ARSB: variants seen among roughly 807,000 people sequenced by gnomAD.
The protein encoded by ARSB is N-acetylgalactosamine-4-sulfatase.
ARSB carries 41 observed loss-of-function variants against 50.9 expected under a neutral mutation model. The observed-to-expected ratio is 0.81, with a 90% CI of 0.63 to 1.04. The LOEUF (loss-of-function observed/expected upper bound fraction) is 1.04. Ranked by LOEUF, ARSB falls within the 50% of genes least tolerant of loss-of-function variation. The pLI, the probability that ARSB is intolerant of heterozygous loss-of-function variation, is 0.00. For missense variants in ARSB, 672 were observed against 693.3 expected (o/e 0.97, Z 0.35); for synonymous variants, 269 against 284.8 (o/e 0.94, Z 0.56).
At chr5:78,846,278 T>C (rs1291907164) in intron 5 of ARSB, among the ~76,000 whole-genome samples, 1 of 152,208 alleles carries the variant, frequency 6.6e-6, no homozygotes, top group Non-Finnish European at 1.5e-5. Flanking sequence ...CTGTATTGGT[T>C]ACTATACCTT....
intron 5 of ARSB, among the ~76,000 whole-genome samples, chr5:78,855,195 G>T (rs1746074777): frequency 6.6e-6 from 1 of 152,196 alleles, no homozygotes; most frequent in Non-Finnish European, 1.5e-5. Flanking sequence ...CAGCTATTCA[G>T]CTCAGCCAGG....
rs1185355030 is a variant in ARSB, at chr5:78,834,607, G to GTGTGTATATATATA, written c.1213+4748_1213+4749insTATATATATACACA. On this transcript the variant is annotated intron_variant, in intron 6 of 7. Transcript: ENST00000264914. Reference sequence around the variant, plus strand: ...ATACTATTTCATGGTATATATATGTGTATATATATATATATATATATATAT... The same window carrying GTGTGTATATATATA: ...ATACTATTTCATGGTATATATATGTGTGTGTATATATATATATATATATATATATATATATATAT... 4.0e-4 allele frequency among the ~76,000 whole-genome samples: 34 copies of GTGTGTATATATATA among 85,644 alleles called. 1 individual carries two copies. The highest frequency in any genetic ancestry group is 2.5e-3 in the East Asian group (6 of 2,426). The allele number at this position is 85,644 out of a possible 152,430, so 56.2% of individuals were successfully genotyped here.
At chr5:78,926,846 CT>C (rs1750077206) in intron 4 of ARSB, among the ~76,000 whole-genome samples, 1 of 152,224 alleles carries the variant, frequency 6.6e-6, no homozygotes, top group African/African-American at 2.4e-5. Context: ...TTAAAATCTT[CT>C]AGTGGCCAGA....
In ARSB at chr5:78,969,206, A is replaced by T. The variant is rs764757378; in HGVS notation, c.313-14T>A. On this transcript the variant is annotated splice_polypyrimidine_tract_variant and intron_variant, in intron 1 of 7. Coordinates refer to ENST00000264914, the MANE Select transcript of ARSB (RefSeq NM_000046.5). Reference sequence around the variant, plus strand: ...ACCTGTACGGATCTTACAGAGATAAACATAAAATTATAGATTAATGACATT... The same window carrying T: ...ACCTGTACGGATCTTACAGAGATAATCATAAAATTATAGATTAATGACATT... 6.8e-6 allele frequency: 11 copies of T among 1,613,576 alleles called. No individual in the cohort carries two copies. The highest frequency in any genetic ancestry group is 9.3e-6 in the Non-Finnish European group (11 of 1,179,684).
intron 6 of ARSB, among the ~76,000 whole-genome samples, chr5:78,809,222 C>G (rs1008887308): frequency 6.6e-6 from 1 of 152,166 alleles, no homozygotes; most frequent in South Asian, 2.1e-4. Flanking sequence ...AATCAGTATG[C>G]AATCCTGCCA....
chr5:78,869,521 G>A (rs1419698331), intron 5 of ARSB, among the ~76,000 whole-genome samples: 11 of 144,616 alleles, frequency 7.6e-5, no homozygotes, highest in East Asian at 2.0e-4. Flanking sequence ...ACTCAAAGCC[G>A]CTCAACTACA....
At chr5:78,931,137 T>C (rs898018025) in intron 4 of ARSB, among the ~76,000 whole-genome samples, 1 of 152,216 alleles carries the variant, frequency 6.6e-6, no homozygotes, top group African/African-American at 2.4e-5. Context: ...ATTGCACACA[T>C]ATGTGCAGCA....
At chr5:78,872,674 G>A (rs1747266766) in intron 5 of ARSB, among the ~76,000 whole-genome samples, 1 of 139,848 alleles carries the variant, frequency 7.2e-6, no homozygotes, top group African/African-American at 2.7e-5. Context: ...GGTGGGGAGG[G>A]GGAGGGGGGA....
chr5:78,968,196 G>A (rs1275247132), intron 2 of ARSB, among the ~76,000 whole-genome samples: 1 of 151,040 alleles, frequency 6.6e-6, no homozygotes, highest in Non-Finnish European at 1.5e-5. Context: ...ACAGGTGGAA[G>A]AATGCCAATG....
chr5:78,778,484 G>C lies in ARSB; in HGVS notation c.*1913C>G, dbSNP rs1748832584. ...ATAGAAATGGAAATTGCTGACAAGA[G>C]AGTACCTTTGGTAGGCACAGTTCCT... On this transcript the variant is annotated 3_prime_UTR_variant, in exon 8 of 8. Coordinates refer to ENST00000264914, the MANE Select transcript of ARSB (RefSeq NM_000046.5). The C allele has an allele frequency of 6.6e-6, 1 of 152,178 alleles. No individual in the cohort carries two copies. The highest frequency in any genetic ancestry group is 1.5e-5 in the Non-Finnish European group (1 of 68,044). 9.4% of individuals were successfully genotyped at this position (152,178 alleles called of 1,614,324 possible).
intron 5 of ARSB, among the ~76,000 whole-genome samples, chr5:78,864,035 T>C (rs1478469156): frequency 1.3e-5 from 2 of 151,594 alleles, no homozygotes; most frequent in East Asian, 2.0e-4. Flanking sequence ...CAGAAGCCTA[T>C]GACACAAGCA....
intron 5 of ARSB, among the ~76,000 whole-genome samples, chr5:78,841,032 C>T (rs113258798): frequency 0.02 from 3,009 of 152,102 alleles, 102 homozygotes; most frequent in African/African-American, 0.07. Flanking sequence ...CAATGGCTCA[C>T]GCCTATAATC....
intron 4 of ARSB, among the ~76,000 whole-genome samples, chr5:78,897,929 G>A (rs337877): frequency 0.6 from 91,145 of 151,870 alleles, 28,741 homozygotes; most frequent in East Asian, 0.98. Context: ...AATAGATAAC[G>A]TACATGCCCT....
intron 5 of ARSB, among the ~76,000 whole-genome samples, chr5:78,857,405 T>C (rs1416076945): frequency 1.3e-5 from 2 of 152,242 alleles, no homozygotes; most frequent in Admixed American, 6.5e-5. Flanking sequence ...GTAGATGCTA[T>C]AGTTTAGCTG....
intron 4 of ARSB, among the ~76,000 whole-genome samples, chr5:78,944,990 C>T (rs337868): frequency 0.23 from 34,355 of 152,060 alleles, 4,149 homozygotes; most frequent in East Asian, 0.45. Flanking sequence ...GGCGCCCCTC[C>T]CCCATCCTCG....
chr5:78,968,645 A>G (rs7714654), intron 2 of ARSB, among the ~76,000 whole-genome samples: 40,381 of 152,080 alleles, frequency 0.27, 6,674 homozygotes, highest in African/African-American at 0.47. Flanking sequence ...CACCGCACCC[A>G]GCCTGGAAAT....
At chr5:78,832,905 T>C (rs367679260) in intron 6 of ARSB, among the ~76,000 whole-genome samples, 3 of 152,194 alleles carry the variant, frequency 2.0e-5, no homozygotes, top group East Asian at 1.9e-4. Flanking sequence ...TTTAAATATA[T>C]ACACCTATGT....
chr5:78,981,531 T>C (rs370173414), intron 1 of ARSB, among the ~76,000 whole-genome samples: 9 of 152,320 alleles, frequency 5.9e-5, no homozygotes, highest in African/African-American at 2.2e-4. Context: ...GTATGATAGG[T>C]ATGATAATGT....
chr5:78,908,407 T>C (rs1022435267), intron 4 of ARSB, among the ~76,000 whole-genome samples: 13 of 82,020 alleles, frequency 1.6e-4, no homozygotes, highest in African/African-American at 4.7e-4. Flanking sequence ...CTGGGAAAGA[T>C]TTTAAGAAAA....
Sources: allele counts gnomAD v4.1 joint callset (sites outside exome capture counted in the v4.1 genomes callset), GRCh38; gene constraint gnomAD v4.1.1; transcripts MANE v1.5; gene names NCBI Gene and HGNC (gene_info 2026-07-23, HGNC 2026-07-21).